CETN3: variants seen among roughly 807,000 people sequenced by gnomAD.
The protein encoded by CETN3 is centrin 3, also known as centrin-3.
CETN3 carries 17 observed loss-of-function variants against 20.1 expected under a neutral mutation model. The ratio of observed to expected loss-of-function variants is 0.85; its 90% CI spans 0.58 to 1.27. The LOEUF (loss-of-function observed/expected upper bound fraction) is 1.27, where lower values mean the gene tolerates loss of function less well. Among genes scored for constraint, CETN3 ranks in the 50% most tolerant of loss-of-function variants. The pLI is 0.00. For missense variants in CETN3, 169 were observed against 191.2 expected, an observed-to-expected ratio of 0.88 and a Z score of 0.69; for synonymous variants, 52 against 59.7, an observed-to-expected ratio of 0.87 and a Z score of 0.59.
intron 2 of CETN3, among the ~76,000 whole-genome samples, chr5:90,406,878 G>C (rs1749463002): frequency 7.0e-6 from 1 of 143,874 alleles, no homozygotes; most frequent in South Asian, 2.3e-4. Flanking sequence ...TGGGAAAAGA[G>C]AGCCAAAGAG....
intron 4 of CETN3, 109 bp downstream of exon 4, chr5:90,399,249 G>A (rs1749215679): frequency 1.2e-6 from 1 of 865,760 alleles, no homozygotes; most frequent in Non-Finnish European, 1.9e-6. Context: ...TCCATTACAA[G>A]AAGCAGTTAA....
chr5:90,398,515 T>G (rs1749188591), intron 4 of CETN3, among the ~76,000 whole-genome samples: 2 of 152,204 alleles, frequency 1.3e-5, no homozygotes, highest in Admixed American at 1.3e-4. Context: ...AATTAACAAT[T>G]AGAGCATTCT....
At chr5:90,398,487 C>T (rs1749188311) in intron 4 of CETN3, among the ~76,000 whole-genome samples, 1 of 152,096 alleles carries the variant, frequency 6.6e-6, no homozygotes, top group South Asian at 2.1e-4. Context: ...GAGAATGAAT[C>T]ACATTTTAGC....
intron 2 of CETN3, among the ~76,000 whole-genome samples, chr5:90,406,925 A>C (rs970454842): frequency 2.8e-4 from 43 of 151,564 alleles, no homozygotes; most frequent in Non-Finnish European, 2.5e-4. Flanking sequence ...TAGCAGGCCT[A>C]TTAACTGCTT....
At chr5:90,398,692 C>G (rs1216890408) in intron 4 of CETN3, among the ~76,000 whole-genome samples, 2 of 152,186 alleles carry the variant, frequency 1.3e-5, no homozygotes, top group Non-Finnish European at 1.5e-5. Context: ...TCATAGAAGG[C>G]TTTGAACTTT....
At chr5:90,399,131 T>C (rs1263685196) in intron 4 of CETN3, 1 of 587,736 alleles carries the variant, frequency 1.7e-6, no homozygotes, top group East Asian at 2.8e-5. Context: ...AGGCTGAAAT[T>C]TTGGTGGTTT....
intron 1 of CETN3, among the ~76,000 whole-genome samples, chr5:90,409,300 CG>C (rs1221297349): frequency 3.9e-5 from 6 of 152,154 alleles, no homozygotes; most frequent in Non-Finnish European, 8.8e-5. Context: ...ACCAGGCACA[CG>C]GATGAATGAA....
Position 90,407,834 on chromosome 5 carries a change from T to G in CETN3, c.18A>C (p.Arg6Ser), listed in dbSNP as rs756031021. ...TTGTTTTGTCCACTACAAGCTCACT[T>G]CTATGAAATGGAAAGAAAAAGCCCT... Reference protein sequence around the residue: MSLALRSELVVDKTKR... With the variant: MSLALSSELVVDKTKR... Residue 6 changes from arginine to serine, a missense_variant and splice_region_variant, in exon 2 of 5, where the codon AGA becomes AGC. Arg to Ser is a moderately radical substitution (Grantham distance 110). Coordinates refer to ENST00000283122, the MANE Select transcript of CETN3 (RefSeq NM_004365.4). The G allele has an allele frequency of 1.9e-6, 3 of 1,569,724 alleles. No individual in the cohort carries two copies. In the South Asian group the frequency reaches 3.7e-5, roughly 19 times the overall value.
chr5:90,402,408 C>G (rs1323131437), intron 3 of CETN3, among the ~76,000 whole-genome samples: 1 of 152,194 alleles, frequency 6.6e-6, no homozygotes, highest in African/African-American at 2.4e-5. Flanking sequence ...TTCCCTATGT[C>G]TAGCCCAGAA....
Position 90,405,761 on chromosome 5 carries a change from A to G in CETN3, c.192T>C (p.Ala64=), listed in dbSNP as rs747782374. 7 of 1,612,264 alleles carry G rather than the reference A, an allele frequency of 4.3e-6. No homozygotes were observed. In the Admixed American group the frequency reaches 1.2e-4, roughly 27 times the overall value. ...MRALGFDVKK[A]DVLKILKDYD... ...AATCTTTAAGAATCTTCAGTACATCAGCTTTTTTTACATCAAACCCCAAGG... is the reference window on the plus strand; with the variant it reads ...AATCTTTAAGAATCTTCAGTACATCGGCTTTTTTTACATCAAACCCCAAGG... The change falls in exon 3 of 5, where the codon GCT becomes GCC. Residue 64 remains alanine (A), a synonymous_variant. Coordinates refer to ENST00000283122, the MANE Select transcript of CETN3 (RefSeq NM_004365.4).
chr5:90,408,653 T>G (rs936989664), intron 1 of CETN3, among the ~76,000 whole-genome samples: 2 of 152,138 alleles, frequency 1.3e-5, no homozygotes, highest in African/African-American at 4.8e-5. Context: ...CATCTAAATG[T>G]GCTCCAAATT....
At chr5:90,399,875 A>T (rs961342969) in intron 3 of CETN3, among the ~76,000 whole-genome samples, 2 of 152,226 alleles carry the variant, frequency 1.3e-5, no homozygotes, top group Non-Finnish European at 2.9e-5. Flanking sequence ...GAATTGTACT[A>T]GGCTCCACTG....
Position 90,399,479 on chromosome 5 carries a change from A to T in CETN3, c.339T>A (p.Asp113Glu), listed in dbSNP as rs769456168. The change falls in exon 4 of 5, where the codon GAT (aspartate) becomes GAA (glutamate). Residue 113 changes from aspartate to glutamate, a missense_variant. Physicochemically the swap from Asp to Glu is conservative, Grantham distance 45. Transcript: ENST00000283122. The stretch of plus-strand genomic sequence containing the variant: ...TCCTCAAGCTTATTTTACCTGAATC[A>T]TCATCATCAAATAGTTTAAATGCCT... The part of the protein sequence containing the change: ...ILKAFKLFDD[D>E]DSGKISLRNL... The T allele has an allele frequency of 6.2e-7, 1 of 1,613,758 alleles. No individual in the cohort carries two copies. Among genetic ancestry groups the T allele is most frequent in the African/African-American group, 1.3e-5 (1 of 74,920 alleles).
chr5:90,398,158 T>A (rs917273417), intron 4 of CETN3, among the ~76,000 whole-genome samples: 1 of 152,092 alleles, frequency 6.6e-6, no homozygotes, highest in East Asian at 1.9e-4. Context: ...TCACCATGTT[T>A]ATTATTCTAT....
At chr5:90,400,442 T>C (rs779758858) in intron 3 of CETN3, among the ~76,000 whole-genome samples, 3 of 152,076 alleles carry the variant, frequency 2.0e-5, no homozygotes, top group Non-Finnish European at 2.9e-5. Flanking sequence ...TAAAAATTGG[T>C]AAGTTACTAA....
At chr5:90,409,606 C>G (rs762507341) in intron 1 of CETN3, 39 bp downstream of exon 1, 5 of 1,613,174 alleles carry the variant, frequency 3.1e-6, no homozygotes, top group Admixed American at 1.7e-5. Context: ...GGGCCCCGCT[C>G]CGGGGTGTGG....
intron 4 of CETN3, 157 bp downstream of exon 4, chr5:90,399,201 C>T: frequency 1.5e-6 from 1 of 664,494 alleles, no homozygotes; most frequent in Non-Finnish European, 2.6e-6. Context: ...AGATCTGCTT[C>T]ATTCTAAATT....
chr5:90,402,727 T>G (rs929544687), intron 3 of CETN3, among the ~76,000 whole-genome samples: 2 of 152,182 alleles, frequency 1.3e-5, no homozygotes, highest in African/African-American at 4.8e-5. Flanking sequence ...GGTGTGGTGG[T>G]GTACAAGCAG....
chr5:90,406,840 C>CAAAAAAA (rs762527758), intron 2 of CETN3, among the ~76,000 whole-genome samples: 2 of 61,730 alleles, frequency 3.2e-5, no homozygotes, highest in Non-Finnish European at 5.9e-5. Flanking sequence ...TCTGGGTAAC[C>CAAAAAAA]AAAAAAAAAA....
Sources: allele counts gnomAD v4.1 joint callset (sites outside exome capture counted in the v4.1 genomes callset), GRCh38; gene constraint gnomAD v4.1.1; transcripts MANE v1.5; gene names NCBI Gene and HGNC (gene_info 2026-07-23, HGNC 2026-07-21).